The following B3GALT1 variants were observed in gnomAD, a reference collection of about 807,000 sequenced individuals.
The protein encoded by B3GALT1 is UDP-Gal:betaGlcNAc beta 1,3-galactosyltransferase, polypeptide 1.
B3GALT1 carries 10 observed loss-of-function variants against 23.2 expected under a neutral mutation model. The ratio of observed to expected loss-of-function variants is 0.43; its 90% CI spans 0.27 to 0.73. B3GALT1 has a LOEUF of 0.73. Ranked by LOEUF, B3GALT1 falls within the 30% of genes least tolerant of loss-of-function variation. The pLI, the probability that B3GALT1 is intolerant of heterozygous loss-of-function variation, is 0.21. For synonymous variants in B3GALT1, 156 were observed against 141.5 expected, an observed-to-expected ratio of 1.10 and a Z score of -0.73; for missense variants, 299 against 405.4, an observed-to-expected ratio of 0.74 and a Z score of 2.25.
chr2:167,318,091 GC>G (rs1275008623), intron 1 of B3GALT1, among the ~76,000 whole-genome samples: 1 of 152,030 alleles, frequency 6.6e-6, no homozygotes, highest in Non-Finnish European at 1.5e-5. Context: ...GCTTTGGGAG[GC>G]CGAGGCGGGT....
At chr2:167,825,057 G>T (rs191462469) in intron 4 of B3GALT1, among the ~76,000 whole-genome samples, 5,365 of 151,972 alleles carry the variant, frequency 0.035, 318 homozygotes, top group African/African-American at 0.12. Flanking sequence ...AGGCCGAGGT[G>T]GGCAGATCAC....
At chr2:167,583,715 T>C (rs1684530733) in intron 2 of B3GALT1, among the ~76,000 whole-genome samples, 1 of 152,226 alleles carries the variant, frequency 6.6e-6, no homozygotes, top group South Asian at 2.1e-4. Context: ...TTAATCACTT[T>C]ACATGTCCAG....
intron 3 of B3GALT1, among the ~76,000 whole-genome samples, chr2:167,673,740 A>T (rs1686375202): frequency 6.6e-6 from 1 of 152,082 alleles, no homozygotes; most frequent in East Asian, 1.9e-4. Flanking sequence ...AACAGTTAAA[A>T]AATTATCTAC....
chr2:167,666,582 T>C (rs905635276), intron 3 of B3GALT1, among the ~76,000 whole-genome samples: 1 of 151,658 alleles, frequency 6.6e-6, no homozygotes, highest in African/African-American at 2.4e-5. Flanking sequence ...TGTGTGGGAG[T>C]CTAAGTCTCT....
chr2:167,845,753 C>G (rs1191351527), intron 4 of B3GALT1, among the ~76,000 whole-genome samples: 1 of 151,490 alleles, frequency 6.6e-6, no homozygotes, highest in African/African-American at 2.4e-5. Flanking sequence ...AGCAATGGAT[C>G]CAAACCAAGA....
At chr2:167,513,068 CA>C (rs544667836) in intron 2 of B3GALT1, among the ~76,000 whole-genome samples, 5,544 of 72,610 alleles carry the variant, frequency 0.076, 99 homozygotes, top group South Asian at 0.23. Context: ...ATTCATGCCA[CA>C]AAAAAAAAAA....
chr2:167,773,217 T>C (rs1187393862), intron 3 of B3GALT1, among the ~76,000 whole-genome samples: 1 of 152,192 alleles, frequency 6.6e-6, no homozygotes, highest in Non-Finnish European at 1.5e-5. Flanking sequence ...TAGAACGAGA[T>C]AATTTAGAAG....
chr2:167,846,063 AAAAG>A (rs2105407461), intron 4 of B3GALT1, among the ~76,000 whole-genome samples: 1 of 152,218 alleles, frequency 6.6e-6, no homozygotes, highest in South Asian at 2.1e-4. Flanking sequence ...AGAAAAAAGA[AAAAG>A]AAAATATGAA....
chr2:167,537,472 GA>G (rs1384769287), intron 2 of B3GALT1, among the ~76,000 whole-genome samples: 1 of 152,158 alleles, frequency 6.6e-6, no homozygotes, highest in African/African-American at 2.4e-5. Context: ...ATATAATCAA[GA>G]AAAGGACTTA....
At chr2:167,385,405 T>C (rs1167624097) in intron 1 of B3GALT1, among the ~76,000 whole-genome samples, 1 of 152,194 alleles carries the variant, frequency 6.6e-6, no homozygotes, top group Non-Finnish European at 1.5e-5. Flanking sequence ...TATTTACCTG[T>C]CTTCCTCTCT....
At chr2:167,801,876 G>A (rs1372433986) in intron 3 of B3GALT1, among the ~76,000 whole-genome samples, 1 of 152,136 alleles carries the variant, frequency 6.6e-6, no homozygotes, top group Non-Finnish European at 1.5e-5. Context: ...AAGTTTAAAG[G>A]CATTAAATGT....
At chr2:167,378,586 ATTCT>A (rs1267505019) in intron 1 of B3GALT1, among the ~76,000 whole-genome samples, 5 of 151,992 alleles carry the variant, frequency 3.3e-5, no homozygotes, top group Non-Finnish European at 5.9e-5. Flanking sequence ...AGGCTCTGAA[ATTCT>A]TTCTTCTGCT....
At chr2:167,763,635 G>A (rs186227181) in intron 3 of B3GALT1, among the ~76,000 whole-genome samples, 2 of 131,830 alleles carry the variant, frequency 1.5e-5, no homozygotes, top group African/African-American at 2.8e-5. Flanking sequence ...AGGTTGCAGC[G>A]ACCCGAGATT....
chr2:167,440,147 T>C (rs1048887817), intron 1 of B3GALT1, among the ~76,000 whole-genome samples: 1 of 151,690 alleles, frequency 6.6e-6, no homozygotes, highest in Non-Finnish European at 1.5e-5. Flanking sequence ...ATCAAGACCA[T>C]CCTGGCTAAC....
At chr2:167,770,621 T>A (rs1277508565) in intron 3 of B3GALT1, among the ~76,000 whole-genome samples, 1 of 152,308 alleles carries the variant, frequency 6.6e-6, no homozygotes, top group East Asian at 1.9e-4. Flanking sequence ...TTGTTAACGT[T>A]GATAAAGTCT....
intron 2 of B3GALT1, among the ~76,000 whole-genome samples, chr2:167,629,901 T>C (rs779843055): frequency 6.6e-6 from 1 of 151,840 alleles, no homozygotes; most frequent in Non-Finnish European, 1.5e-5. Context: ...AATTATGTAC[T>C]AAATAATTAC....
chr2:167,675,462 G>A (rs575936104), intron 3 of B3GALT1, among the ~76,000 whole-genome samples: 1 of 152,334 alleles, frequency 6.6e-6, no homozygotes, highest in South Asian at 2.1e-4. Flanking sequence ...ATGCCTCGGA[G>A]CAGGACAGTG....
At chr2:167,530,888 C>G (rs1683315058) in intron 2 of B3GALT1, among the ~76,000 whole-genome samples, 1 of 152,140 alleles carries the variant, frequency 6.6e-6, no homozygotes, top group South Asian at 2.1e-4. Context: ...CTTCTGCATA[C>G]AATCTGCTTA....
chr2:167,689,140 CAAA>C (rs35745682), intron 3 of B3GALT1, among the ~76,000 whole-genome samples: 2,156 of 137,498 alleles, frequency 0.016, 19 homozygotes, highest in African/African-American at 0.035. Context: ...CCAAAAAGAC[CAAA>C]AAAAAAAAAA....
Sources: allele counts gnomAD v4.1 joint callset (sites outside exome capture counted in the v4.1 genomes callset), GRCh38; gene constraint gnomAD v4.1.1; transcripts MANE v1.5; gene names NCBI Gene and HGNC (gene_info 2026-07-23, HGNC 2026-07-21).